The following TUSC3 variants were observed in gnomAD, a reference collection of about 807,000 sequenced individuals.
The protein encoded by TUSC3 is dolichyl-diphosphooligosaccharide--protein glycosyltransferase subunit TUSC3.
A neutral mutation model predicts 44.8 loss-of-function variants in TUSC3; 45 were observed. The ratio of observed to expected loss-of-function variants is 1.00; its 90% CI spans 0.79 to 1.29. TUSC3 has a LOEUF of 1.29. TUSC3 is among the 50% of genes most tolerant of loss of function. The pLI is 0.00. For missense variants in TUSC3, 519 were observed against 437.9 expected (o/e 1.19, Z -1.65); for synonymous variants, 212 against 152.9 (o/e 1.39, Z -2.85).
intron 1 of TUSC3, among the ~76,000 whole-genome samples, chr8:15,423,965 CTTTGTTTTTT>C (rs1799770713): frequency 8.3e-5 from 1 of 12,036 alleles, no homozygotes; most frequent in African/African-American, 2.5e-4. Flanking sequence ...TACTGTTTTG[CTTTGTTTTTT>C]TTTTTTTTTT....
chr8:15,487,021 A>T (rs1482503074), intron 2 of TUSC3, among the ~76,000 whole-genome samples: 1 of 152,208 alleles, frequency 6.6e-6, no homozygotes, highest in Non-Finnish European at 1.5e-5. Context: ...TGCACTGAAA[A>T]GCTTCAGTTT....
intron 9 of TUSC3, among the ~76,000 whole-genome samples, chr8:15,749,691 A>G (rs377202880): frequency 5.3e-5 from 8 of 151,466 alleles, no homozygotes; most frequent in Middle Eastern, 3.4e-3. Context: ...ATGATGTGAA[A>G]TAATCAAATC....
At chr8:15,505,053 C>A (rs1158613877) in intron 2 of TUSC3, among the ~76,000 whole-genome samples, 1 of 151,996 alleles carries the variant, frequency 6.6e-6, no homozygotes, top group Admixed American at 6.6e-5. Flanking sequence ...ATATTGCTGC[C>A]AAATGGCAGG....
intron 2 of TUSC3, among the ~76,000 whole-genome samples, chr8:15,648,567 A>G (rs1275813876): frequency 2.0e-5 from 3 of 151,644 alleles, no homozygotes; most frequent in Admixed American, 2.0e-4. Context: ...TCTACTAAAA[A>G]TACAAAAAAT....
At chr8:15,637,354 C>T (rs577896184) in intron 2 of TUSC3, among the ~76,000 whole-genome samples, 13 of 152,238 alleles carry the variant, frequency 8.5e-5, no homozygotes, top group Non-Finnish European at 1.8e-4. Flanking sequence ...TTCATTTCTG[C>T]GTGGATTCTG....
chr8:15,694,797 G>C (rs933577155), intron 6 of TUSC3, among the ~76,000 whole-genome samples: 1 of 152,234 alleles, frequency 6.6e-6, no homozygotes, highest in African/African-American at 2.4e-5. Flanking sequence ...GATTACTGGA[G>C]GGGGTGAGTT....
At chr8:15,821,738 C>G in the TUSC3 span, among the ~76,000 whole-genome samples, 74 of 152,046 alleles carry the variant, frequency 4.9e-4, no homozygotes, top group African/African-American at 1.7e-3. Flanking sequence ...TTTTATTTGC[C>G]TTAGAGAGCC....
At chr8:15,431,557 G>A (rs7837098) in intron 1 of TUSC3, among the ~76,000 whole-genome samples, 21,158 of 150,914 alleles carry the variant, frequency 0.14, 1,778 homozygotes, top group Middle Eastern at 0.22. Context: ...TCATGGATTA[G>A]ATTTAACAGT....
At chr8:15,432,516 G>A (rs905473456) in intron 1 of TUSC3, among the ~76,000 whole-genome samples, 3 of 152,048 alleles carry the variant, frequency 2.0e-5, no homozygotes, top group Admixed American at 2.0e-4. Context: ...TCTGATGCTT[G>A]CTCTCTCTGT....
intron 2 of TUSC3, among the ~76,000 whole-genome samples, chr8:15,499,315 G>T (rs530357995): frequency 6.6e-6 from 1 of 152,184 alleles, no homozygotes; most frequent in African/African-American, 2.4e-5. Flanking sequence ...ACAGGTCAAA[G>T]TGTGCTTTTA....
the TUSC3 span, among the ~76,000 whole-genome samples, chr8:15,776,301 A>G: frequency 1.3e-5 from 2 of 152,130 alleles, no homozygotes; most frequent in Non-Finnish European, 2.9e-5. Flanking sequence ...GGAAGAAATG[A>G]TTCTATCTTT....
intron 1 of TUSC3, among the ~76,000 whole-genome samples, chr8:15,440,170 G>C (rs775642903): frequency 6.6e-6 from 1 of 152,202 alleles, no homozygotes; most frequent in Non-Finnish European, 1.5e-5. Context: ...AGGAAATGAG[G>C]CTTCAGCTGA....
At chr8:15,634,237 A>G (rs993289062) in intron 2 of TUSC3, among the ~76,000 whole-genome samples, 1 of 152,176 alleles carries the variant, frequency 6.6e-6, no homozygotes, top group South Asian at 2.1e-4. Flanking sequence ...GACCTTCATC[A>G]TTAAGAAACC....
intron 2 of TUSC3, among the ~76,000 whole-genome samples, chr8:15,497,445 A>T (rs1424184737): frequency 6.6e-6 from 1 of 152,208 alleles, no homozygotes; most frequent in Non-Finnish European, 1.5e-5. Flanking sequence ...TGTTAAAATT[A>T]GATTCCAGAA....
At chr8:15,590,636 TTTTA>T (rs898600543) in intron 1 of TUSC3, among the ~76,000 whole-genome samples, 2 of 151,518 alleles carry the variant, frequency 1.3e-5, no homozygotes, top group Non-Finnish European at 2.9e-5. Flanking sequence ...AAATATTTAT[TTTTA>T]TTTATTTATT....
At chr8:15,711,606 G>T (rs1246125397) in intron 6 of TUSC3, among the ~76,000 whole-genome samples, 1 of 151,120 alleles carries the variant, frequency 6.6e-6, no homozygotes, top group Non-Finnish European at 1.5e-5. Context: ...TGATAGTTTA[G>T]CATCATCTTT....
intron 1 of TUSC3, among the ~76,000 whole-genome samples, chr8:15,606,622 C>T (rs1270119904): frequency 6.6e-6 from 1 of 151,912 alleles, no homozygotes; most frequent in African/African-American, 2.4e-5. Flanking sequence ...TGTTTCATAC[C>T]ATGTTATGAT....
At chr8:15,592,463 G>C (rs1379741093) in intron 1 of TUSC3, among the ~76,000 whole-genome samples, 1 of 152,110 alleles carries the variant, frequency 6.6e-6, no homozygotes, top group Non-Finnish European at 1.5e-5. Context: ...ATGACATAGT[G>C]CCCTCCTTGT....
At chr8:15,686,310 C>G (rs192754558) in intron 6 of TUSC3, among the ~76,000 whole-genome samples, 3 of 152,090 alleles carry the variant, frequency 2.0e-5, no homozygotes, top group Admixed American at 2.0e-4. Context: ...GCGTTATTTT[C>G]AAGATTTGGA....
Sources: gnomAD v4.1 joint callset for allele counts (sites outside exome capture counted in the v4.1 genomes callset) on GRCh38, gnomAD v4.1.1 for gene constraint, MANE v1.5 for transcripts, NCBI Gene and HGNC (gene_info 2026-07-23, HGNC 2026-07-21) for gene names.